The following ZNF423 variants were observed in gnomAD, a reference collection of about 807,000 sequenced individuals.
ZNF423 encodes the protein zinc finger protein 423.
ZNF423 carries 12 observed loss-of-function variants against 95.8 expected under a neutral mutation model. That is an observed-to-expected ratio of 0.13 (90% CI 0.08 to 0.20). ZNF423 has a LOEUF of 0.20. Among genes scored for constraint, ZNF423 ranks in the 10% least tolerant of loss-of-function variants. The probability of loss-of-function intolerance (pLI) is 1.00; values close to 1 mark genes in which losing one functional copy is unlikely to be tolerated. For synonymous variants in ZNF423, 749 were observed against 711.9 expected (o/e 1.05, Z -0.83); for missense variants, 1,316 against 1,737.1 (o/e 0.76, Z 4.31).
At chr16:49,509,825 C>T (rs553296190) in intron 7 of ZNF423, among the ~76,000 whole-genome samples, 1 of 152,328 alleles carries the variant, frequency 6.6e-6, no homozygotes, top group East Asian at 1.9e-4. Context: ...GTTCAGGCTG[C>T]CTGGGTTCAA....
chr16:49,519,047 G>A (rs1325959050), intron 7 of ZNF423, among the ~76,000 whole-genome samples: 1 of 152,202 alleles, frequency 6.6e-6, no homozygotes, highest in Admixed American at 6.5e-5. Context: ...CTGGGTGACA[G>A]AGCCAGACCC....
At chr16:49,592,884 C>A (rs1011442914) in intron 5 of ZNF423, among the ~76,000 whole-genome samples, 3 of 152,240 alleles carry the variant, frequency 2.0e-5, no homozygotes, top group Admixed American at 1.3e-4. Context: ...ACAGGCTCAA[C>A]TTCTCACTGC....
intron 5 of ZNF423, among the ~76,000 whole-genome samples, chr16:49,585,252 G>A (rs138172555): frequency 6.6e-6 from 1 of 152,148 alleles, no homozygotes; most frequent in Admixed American, 6.5e-5. Context: ...AGCCGTGGCT[G>A]CCCCCAGAAC....
intron 3 of ZNF423, among the ~76,000 whole-genome samples, chr16:49,661,085 A>C (rs1049175709): frequency 6.6e-6 from 1 of 151,950 alleles, no homozygotes; most frequent in Non-Finnish European, 1.5e-5. Context: ...GCTAGGTGTG[A>C]TGGTGGGCGC....
chr16:49,845,012 G>A (rs963413981), intron 1 of ZNF423, among the ~76,000 whole-genome samples: 9 of 117,240 alleles, frequency 7.7e-5, no homozygotes, highest in Non-Finnish European at 1.3e-4. Flanking sequence ...TCAAGCCTGG[G>A]CATCAAGAGC....
At chr16:49,749,933 A>G (rs961683675) in intron 2 of ZNF423, among the ~76,000 whole-genome samples, 17 of 152,176 alleles carry the variant, frequency 1.1e-4, no homozygotes, top group Non-Finnish European at 2.4e-4. Context: ...TCAGGGGGCC[A>G]CCTGCTTCAG....
intron 3 of ZNF423, among the ~76,000 whole-genome samples, chr16:49,664,989 A>G (rs990074378): frequency 1.3e-5 from 2 of 152,112 alleles, no homozygotes; most frequent in African/African-American, 4.8e-5. Flanking sequence ...CTAACTGCGC[A>G]ATTTTCTTCC....
intron 5 of ZNF423, among the ~76,000 whole-genome samples, chr16:49,563,481 A>C (rs933938977): frequency 1.3e-5 from 2 of 152,204 alleles, no homozygotes; most frequent in African/African-American, 4.8e-5. Flanking sequence ...TCACAGCAAC[A>C]CACAAGGTCT....
intron 7 of ZNF423, among the ~76,000 whole-genome samples, chr16:49,503,053 C>T (rs896715509): frequency 6.6e-6 from 1 of 151,674 alleles, no homozygotes. Flanking sequence ...TCATGGATAC[C>T]CTCGAATCCC....
At chr16:49,564,831 C>G (rs1208545814) in intron 5 of ZNF423, among the ~76,000 whole-genome samples, 2 of 152,232 alleles carry the variant, frequency 1.3e-5, no homozygotes, top group Non-Finnish European at 2.9e-5. Flanking sequence ...TGTTTGTTCC[C>G]TGGCCCCAGA....
chr16:49,503,751 A>T (rs1430891322), intron 7 of ZNF423, among the ~76,000 whole-genome samples: 2 of 152,208 alleles, frequency 1.3e-5, no homozygotes, highest in Non-Finnish European at 2.9e-5. Flanking sequence ...ACCTTGTCTC[A>T]GCTCTCCACT....
rs950612922 is a variant in ZNF423, at chr16:49,855,080, C to T, written c.40+655G>A. 184 of 979,892 alleles carry T rather than the reference C, an allele frequency of 1.9e-4. No homozygotes were observed. The highest frequency in any genetic ancestry group is 2.1e-4 in the Non-Finnish European group (175 of 825,430). 60.7% of individuals were successfully genotyped at this position (979,892 alleles called of 1,614,324 possible). A position where few individuals can be genotyped will look rare whatever the true frequency, so the allele number is the denominator to read the frequency against. On this transcript the variant is annotated intron_variant, in intron 1 of 7. Coordinates refer to ENST00000563137, the MANE Select transcript of ZNF423 (RefSeq NM_001379286.1). The surrounding 1 kb of genome is among the most constrained non-coding windows in gnomAD (Gnocchi z 4.7). ...TGGCGGAGGCTCCCTGCCCGGTGGG[C>T]CTCGGTGGAGGAGGCAGGAAGTGCA...
intron 5 of ZNF423, among the ~76,000 whole-genome samples, chr16:49,595,312 TACAG>T (rs1391672425): frequency 2.6e-5 from 4 of 152,216 alleles, no homozygotes; most frequent in Non-Finnish European, 5.9e-5. Flanking sequence ...CTTCAGTGGC[TACAG>T]ACAGAGGCTG....
At chr16:49,767,359 G>A (rs114053359) in intron 2 of ZNF423, among the ~76,000 whole-genome samples, 1 of 152,152 alleles carries the variant, frequency 6.6e-6, no homozygotes, top group African/African-American at 2.4e-5. Context: ...AGCAGAACTC[G>A]AAGTGGGCCA....
intron 5 of ZNF423, among the ~76,000 whole-genome samples, chr16:49,586,509 G>C (rs1484734205): frequency 6.6e-6 from 1 of 152,206 alleles, no homozygotes; most frequent in East Asian, 1.9e-4. Flanking sequence ...CCTCTTGCAT[G>C]CCAGCACACC....
chr16:49,642,818 T>TG (rs1973024325), intron 3 of ZNF423, among the ~76,000 whole-genome samples: 1 of 149,360 alleles, frequency 6.7e-6, no homozygotes, highest in African/African-American at 2.5e-5. Flanking sequence ...TTTTTTTTTT[T>TG]TTTTTTGGCA....
At chr16:49,701,106 G>GA (rs895434875) in intron 3 of ZNF423, among the ~76,000 whole-genome samples, 32 of 152,288 alleles carry the variant, frequency 2.1e-4, no homozygotes, top group African/African-American at 7.0e-4. Flanking sequence ...GATTTAGAAT[G>GA]AAAAAAGGCA....
At position 49,571,508 on chromosome 16, in the gene ZNF423, C is replaced by T. The variant is rs139899935; in HGVS notation, c.3602-46014G>A. ...TGCACAAAGGCCTGTGGCTGGAATG[C>T]AGAGTGAGGGGCAAGTGTCAGATGG... On this transcript the variant is annotated intron_variant, in intron 5 of 7. Transcript: ENST00000563137. Among the ~76,000 whole-genome samples, 139 of 152,096 alleles carry T rather than the reference C, an allele frequency of 9.1e-4. 2 individuals carry two copies. The highest frequency in any genetic ancestry group is 3.4e-3 in the Middle Eastern group (1 of 294).
intron 5 of ZNF423, among the ~76,000 whole-genome samples, chr16:49,610,853 A>G (rs1971699112): frequency 6.6e-6 from 1 of 152,068 alleles, no homozygotes; most frequent in Non-Finnish European, 1.5e-5. Context: ...TCATTGAAAG[A>G]AAGCAAAAAG....
Sources: allele counts gnomAD v4.1 joint callset (sites outside exome capture counted in the v4.1 genomes callset), GRCh38; gene constraint gnomAD v4.1.1; non-coding constraint Gnocchi (gnomAD v3.1); transcripts MANE v1.5; gene names NCBI Gene and HGNC (gene_info 2026-07-23, HGNC 2026-07-21).